The following DAB1 variants were observed in gnomAD, a reference collection of about 807,000 sequenced individuals.
DAB1 encodes disabled homolog 1.
DAB1 carries 15 observed loss-of-function variants against 64.6 expected under a neutral mutation model. That is an observed-to-expected ratio of 0.23 (90% CI 0.16 to 0.36). DAB1 has a LOEUF of 0.36. Among genes scored for constraint, DAB1 ranks in the 10% least tolerant of loss-of-function variants. The probability of loss-of-function intolerance (pLI) is 1.00; values close to 1 mark genes in which losing one functional copy is unlikely to be tolerated. For missense variants in DAB1, 596 were observed against 706.7 expected (o/e 0.84, Z 1.78); for synonymous variants, 235 against 251.9 (o/e 0.93, Z 0.64).
At position 57,010,800 on chromosome 1, in the gene DAB1, A is replaced by G; in HGVS notation, c.1573-10T>C. 1 of 1,541,270 alleles carries G rather than the reference A, an allele frequency of 6.5e-7. No homozygotes were observed. The highest frequency in any genetic ancestry group is 8.7e-7 in the Non-Finnish European group (1 of 1,143,610). ...CCTGTGATCCATCAGGCTAGAACAC[A>G]AGAAGATAATACTTTTTTTTTTCTC... On this transcript the variant is annotated splice_polypyrimidine_tract_variant and intron_variant, in intron 13 of 14. Transcript: ENST00000371236.
intron 3 of DAB1, among the ~76,000 whole-genome samples, chr1:58,460,925 T>C (rs1390033296): frequency 6.6e-6 from 1 of 152,178 alleles, no homozygotes; most frequent in Non-Finnish European, 1.5e-5. Flanking sequence ...CCCATGACAC[T>C]CTCACTCCAT....
chr1:57,839,447 T>A (rs1447606160), intron 1 of DAB1, among the ~76,000 whole-genome samples: 1 of 152,250 alleles, frequency 6.6e-6, no homozygotes, highest in African/African-American at 2.4e-5. Context: ...ACTGTATTTA[T>A]AATTAGTATT....
At chr1:57,891,518 A>C (rs1644313986) in intron 5 of DAB1, among the ~76,000 whole-genome samples, 1 of 152,214 alleles carries the variant, frequency 6.6e-6, no homozygotes, top group African/African-American at 2.4e-5. Flanking sequence ...CTATATACCC[A>C]AAGGATTATA....
chr1:57,751,051 G>A (rs527830368), intron 6 of DAB1, among the ~76,000 whole-genome samples: 17 of 152,218 alleles, frequency 1.1e-4, no homozygotes, highest in African/African-American at 4.1e-4. Context: ...GGCCAATTGA[G>A]GCTTACTGCT....
chr1:57,751,684 A>C (rs2101804142), intron 6 of DAB1, among the ~76,000 whole-genome samples: 1 of 152,210 alleles, frequency 6.6e-6, no homozygotes, highest in South Asian at 2.1e-4. Context: ...GATGCAAAGG[A>C]ACCAGGCAGG....
chr1:57,009,935 G>A (rs1646212622), intron 14 of DAB1, among the ~76,000 whole-genome samples: 1 of 152,194 alleles, frequency 6.6e-6, no homozygotes, highest in African/African-American at 2.4e-5. Context: ...ACATGCTGCA[G>A]CACAGGTGCA....
chr1:57,518,019 T>G (rs917680098), intron 7 of DAB1, among the ~76,000 whole-genome samples: 1 of 152,220 alleles, frequency 6.6e-6, no homozygotes, highest in South Asian at 2.1e-4. Context: ...AAGGGTGTTT[T>G]CACAGTCTGA....
At chr1:57,494,035 G>T (rs1047926010) in intron 7 of DAB1, among the ~76,000 whole-genome samples, 2 of 152,090 alleles carry the variant, frequency 1.3e-5, no homozygotes, top group African/African-American at 4.8e-5. Flanking sequence ...GCGTGTGGGG[G>T]TCTGGTGTGA....
At chr1:57,320,379 T>G (rs978845141) in intron 1 of DAB1, among the ~76,000 whole-genome samples, 4 of 152,230 alleles carry the variant, frequency 2.6e-5, no homozygotes, top group Non-Finnish European at 4.4e-5. Context: ...TTTTTGTTTA[T>G]GTTCACTAAT....
intron 3 of DAB1, among the ~76,000 whole-genome samples, chr1:58,476,643 C>A (rs948947766): frequency 2.6e-5 from 4 of 152,186 alleles, no homozygotes; most frequent in African/African-American, 9.6e-5. Flanking sequence ...TTAAAGAATT[C>A]TCTAGGCTCT....
intron 7 of DAB1, among the ~76,000 whole-genome samples, chr1:57,609,268 A>G (rs943922059): frequency 2.0e-5 from 3 of 152,220 alleles, no homozygotes; most frequent in African/African-American, 7.2e-5. Flanking sequence ...TGATGATCGT[A>G]TGTGTACTGA....
chr1:58,449,419 C>T (rs1371418218), intron 3 of DAB1, among the ~76,000 whole-genome samples: 1 of 152,130 alleles, frequency 6.6e-6, no homozygotes, highest in Non-Finnish European at 1.5e-5. Flanking sequence ...GAAACAAAGC[C>T]TACACTACTG....
intron 4 of DAB1, among the ~76,000 whole-genome samples, chr1:58,160,153 C>T (rs1035174297): frequency 6.6e-6 from 1 of 152,086 alleles, no homozygotes; most frequent in Non-Finnish European, 1.5e-5. Context: ...GGTCACTGTT[C>T]CCACTACCCT....
At chr1:57,375,032 A>T (rs999508478) in intron 1 of DAB1, among the ~76,000 whole-genome samples, 1 of 152,088 alleles carries the variant, frequency 6.6e-6, no homozygotes, top group Non-Finnish European at 1.5e-5. Flanking sequence ...TAACAATAGA[A>T]CATTCATTTA....
chr1:57,773,814 T>C (rs1649671889), intron 6 of DAB1, among the ~76,000 whole-genome samples: 1 of 151,984 alleles, frequency 6.6e-6, no homozygotes, highest in Non-Finnish European at 1.5e-5. Context: ...GTTGAGCATA[T>C]ATGTGTGGGT....
chr1:58,118,561 AATAC>A (rs1652521996), intron 5 of DAB1, among the ~76,000 whole-genome samples: 1 of 92,860 alleles, frequency 1.1e-5, no homozygotes, highest in Non-Finnish European at 1.8e-5. Context: ...ATATATATAA[AATAC>A]ATATATATAT....
At chr1:57,582,386 G>A (rs183935959) in intron 7 of DAB1, among the ~76,000 whole-genome samples, 1 of 152,218 alleles carries the variant, frequency 6.6e-6, no homozygotes, top group East Asian at 1.9e-4. Flanking sequence ...GAACAGCAAG[G>A]GAGAAATCCG....
chr1:57,678,686 T>C (rs1646597843), intron 6 of DAB1, among the ~76,000 whole-genome samples: 1 of 152,038 alleles, frequency 6.6e-6, no homozygotes, highest in Non-Finnish European at 1.5e-5. Flanking sequence ...AATAGTATTA[T>C]TAGCCTTACA....
intron 4 of DAB1, among the ~76,000 whole-genome samples, chr1:57,125,068 C>T (rs1490648473): frequency 6.6e-6 from 1 of 152,130 alleles, no homozygotes; most frequent in East Asian, 1.9e-4. Flanking sequence ...GCACAGTCAC[C>T]ATAGCACAGA....
Sources: gnomAD v4.1 joint callset for allele counts (sites outside exome capture counted in the v4.1 genomes callset) on GRCh38, gnomAD v4.1.1 for gene constraint, MANE v1.5 for transcripts, NCBI Gene and HGNC (gene_info 2026-07-23, HGNC 2026-07-21) for gene names.